ITSN1: variants seen among roughly 807,000 people sequenced by gnomAD.
ITSN1 encodes intersectin-1.
A neutral mutation model predicts 239.8 loss-of-function variants in ITSN1; 58 were observed. The ratio of observed to expected loss-of-function variants is 0.24; its 90% confidence interval spans 0.20 to 0.30. The LOEUF (loss-of-function observed/expected upper bound fraction) is 0.30, where lower values mean the gene tolerates loss of function less well. Among genes scored for constraint, ITSN1 ranks in the 10% least tolerant of loss-of-function variants. ITSN1 has a pLI of 1.00. For missense variants in ITSN1, 1,558 were observed against 2,103.3 expected (o/e 0.74, Z 5.07); for synonymous variants, 780 against 770.8 (o/e 1.01, Z -0.20).
At chr21:33,762,127 C>G in intron 9 of ITSN1, 141 bp downstream of exon 9, 5 of 673,734 alleles carry the variant, frequency 7.4e-6, no homozygotes, top group Non-Finnish European at 1.3e-5. Flanking sequence ...TAATGATTGC[C>G]TCTTTTATAA....
chr21:33,838,853 T>C (rs2074725768), intron 29 of ITSN1, among the ~76,000 whole-genome samples: 1 of 152,194 alleles, frequency 6.6e-6, no homozygotes, highest in African/African-American at 2.4e-5. Flanking sequence ...GTCCAAAAGA[T>C]GTATCGTAAT....
At chr21:33,849,308 G>T (rs1417673051) in intron 29 of ITSN1, among the ~76,000 whole-genome samples, 1 of 151,902 alleles carries the variant, frequency 6.6e-6, no homozygotes, top group Non-Finnish European at 1.5e-5. Context: ...GCTCATGCCT[G>T]TAATCCCAAC....
intron 1 of ITSN1, among the ~76,000 whole-genome samples, chr21:33,663,696 A>G (rs890117688): frequency 2.0e-5 from 3 of 152,084 alleles, no homozygotes; most frequent in African/African-American, 7.2e-5. Flanking sequence ...TCCACCTCCC[A>G]GGTTCAAGCA....
intron 16 of ITSN1, among the ~76,000 whole-genome samples, chr21:33,790,527 G>A (rs1317880384): frequency 2.6e-5 from 4 of 151,876 alleles, no homozygotes; most frequent in South Asian, 2.1e-4. Context: ...TGTACACTCC[G>A]TACTATATTG....
At chr21:33,817,430 C>CT in intron 22 of ITSN1, 1 of 1,304,448 alleles carries the variant, frequency 7.7e-7, no homozygotes, top group South Asian at 1.2e-5. Context: ...GCTGCCCCCT[C>CT]TGTGAAATTT....
Position 33,797,309 on chromosome 21 carries a change from G to T in ITSN1, c.1953-70G>T. 15 of 1,344,770 alleles carry T rather than the reference G, an allele frequency of 1.1e-5. No homozygotes were observed. The Admixed American group carries it at 1.1e-4, about 10-fold the overall frequency. 83.3% of individuals were successfully genotyped at this position (1,344,770 alleles called of 1,614,324 possible). ...CCATTTACTGGATGGAGCTTTTTTT[G>T]TGAAAAGAGGCAACAGTAGTGTTAA... On this transcript the variant is annotated intron_variant, in intron 17 of 39. Coordinates refer to ENST00000381318, the MANE Select transcript of ITSN1 (RefSeq NM_003024.3). The surrounding 1 kb of genome is among the most constrained non-coding windows in gnomAD (Gnocchi z 4.9).
At chr21:33,725,983 TTTTGTTTG>T (rs904159908) in intron 4 of ITSN1, among the ~76,000 whole-genome samples, 1 of 152,132 alleles carries the variant, frequency 6.6e-6, no homozygotes, top group African/African-American at 2.4e-5. Context: ...GCCTAGGTTT[TTTTGTTTG>T]TTTGTTTGTG....
chr21:33,813,931 T>C lies in ITSN1; in HGVS notation c.2586T>C (p.Asn862=). 6.2e-7 allele frequency: 1 copy of C among 1,613,386 alleles called. No homozygotes were observed. Among genetic ancestry groups the C allele is most frequent in the South Asian group, 1.1e-5 (1 of 91,070 alleles). The change falls in exon 22 of 40, where the codon AAT becomes AAC. Residue 862 remains asparagine (N), a synonymous_variant. Transcript: ENST00000381318. ...CCTCCAGGTGGCCCACCAGCACGAA[T>C]GAGAAACCAGAAACGGATAACTGGG... The part of the protein sequence containing the change: ...DFSSTWPTST[N]EKPETDNWDA...
chr21:33,756,206 G>A (rs2067899299), intron 8 of ITSN1, among the ~76,000 whole-genome samples: 1 of 150,258 alleles, frequency 6.7e-6, no homozygotes, highest in African/African-American at 2.5e-5. Flanking sequence ...CAGGAGAATT[G>A]CTGGAACCTG....
rs1986557358 is a variant in ITSN1, at chr21:33,894,251, C to T, written c.*5951C>T. 1 of 152,186 alleles carries T rather than the reference C, an allele frequency of 6.6e-6. No homozygotes were observed. The highest frequency in any genetic ancestry group is 2.4e-5 in the African/African-American group (1 of 41,454). 9.4% of individuals were successfully genotyped at this position (152,186 alleles called of 1,614,324 possible). On this transcript the variant is annotated 3_prime_UTR_variant, in exon 40 of 40. Coordinates refer to ENST00000381318, the MANE Select transcript of ITSN1 (RefSeq NM_003024.3). ...CCACCTCCCAATAACTTCTTTAGTT[C>T]CATGCAGCCTCAATCAGTTCCTCCA...
intron 5 of ITSN1, among the ~76,000 whole-genome samples, chr21:33,745,342 G>T (rs2067116789): frequency 6.6e-6 from 1 of 152,182 alleles, no homozygotes; most frequent in African/African-American, 2.4e-5. Flanking sequence ...GAAAAGGATG[G>T]AGAGGGGACT....
intron 5 of ITSN1, among the ~76,000 whole-genome samples, chr21:33,737,056 TCA>T (rs960754844): frequency 6.6e-6 from 1 of 152,174 alleles, no homozygotes; most frequent in Non-Finnish European, 1.5e-5. Flanking sequence ...AGAAGAAATC[TCA>T]TAGTGGAGAA....
intron 1 of ITSN1, among the ~76,000 whole-genome samples, chr21:33,645,508 G>A (rs895342260): frequency 1.3e-5 from 2 of 152,104 alleles, no homozygotes; most frequent in Admixed American, 6.5e-5. Context: ...TCTGGGCTTA[G>A]TGACTCGTGC....
Position 33,875,575 on chromosome 21 carries a change from A to T in ITSN1, c.4341+54A>T. ...CTCCCCCGGCAGAGCCTCGCCTGCC[A>T]GCCTGGAGGAGGACAAAGAAAAGCA... is the stretch of plus-strand genomic sequence containing the variant. On this transcript the variant is annotated intron_variant, in intron 34 of 39. Transcript: ENST00000381318. 9 of 1,532,634 alleles carry T rather than the reference A, an allele frequency of 5.9e-6. No homozygotes were observed. The Admixed American group carries it at 9.2e-5, about 16-fold the overall frequency. The allele number at this position is 1,532,634 out of a possible 1,614,324, so 94.9% of individuals were successfully genotyped here.
chr21:33,845,664 T>C (rs1478872157), intron 29 of ITSN1, among the ~76,000 whole-genome samples: 1 of 152,184 alleles, frequency 6.6e-6, no homozygotes, highest in Non-Finnish European at 1.5e-5. Context: ...TGCATTCTTC[T>C]GTGCTTGCAG....
chr21:33,780,356 TA>T (rs774391005), intron 14 of ITSN1, among the ~76,000 whole-genome samples: 12 of 152,188 alleles, frequency 7.9e-5, no homozygotes, highest in Non-Finnish European at 1.8e-4. Flanking sequence ...GAAAGAAAAG[TA>T]TGTAGTAGGT....
intron 34 of ITSN1, among the ~76,000 whole-genome samples, chr21:33,877,330 A>G (rs1274480637): frequency 6.6e-6 from 1 of 152,060 alleles, no homozygotes; most frequent in East Asian, 1.9e-4. Flanking sequence ...CTGGGATTAC[A>G]GGCGTGATTA....
chr21:33,672,157 C>T (rs568248223), intron 1 of ITSN1, among the ~76,000 whole-genome samples: 19 of 151,660 alleles, frequency 1.3e-4, no homozygotes, highest in Non-Finnish European at 2.5e-4. Context: ...GCAGGAGAAT[C>T]GCTTGAACCT....
chr21:33,704,223 AG>A (rs1312010889), intron 1 of ITSN1, among the ~76,000 whole-genome samples: 1 of 152,186 alleles, frequency 6.6e-6, no homozygotes, highest in African/African-American at 2.4e-5. Context: ...TTTGTGTGTA[AG>A]AAGTAGAAGC....
Sources: allele counts gnomAD v4.1 joint callset (sites outside exome capture counted in the v4.1 genomes callset), GRCh38; gene constraint gnomAD v4.1.1; non-coding constraint Gnocchi (gnomAD v3.1); transcripts MANE v1.5; gene names NCBI Gene and HGNC (gene_info 2026-07-23, HGNC 2026-07-21).